CNTNAP4: variants seen among roughly 807,000 people sequenced by gnomAD.
CNTNAP4 encodes contactin-associated protein-like 4.
In CNTNAP4, 98 loss-of-function variants were observed where a neutral mutation model predicts 148.4. That is an observed-to-expected ratio of 0.66 (90% CI 0.56 to 0.78). The LOEUF is 0.78. Ranked by LOEUF, CNTNAP4 falls within the 30% of genes least tolerant of loss-of-function variation. The probability of loss-of-function intolerance (pLI) is 0.00; values close to 1 mark genes in which losing one functional copy is unlikely to be tolerated. For synonymous variants in CNTNAP4, 730 were observed against 565.1 expected, an observed-to-expected ratio of 1.29 and a Z score of -4.14; for missense variants, 1,935 against 1,565.6, an observed-to-expected ratio of 1.24 and a Z score of -3.98.
intron 1 of CNTNAP4, among the ~76,000 whole-genome samples, chr16:76,300,384 C>A (rs1196526759): frequency 6.6e-6 from 1 of 152,080 alleles, no homozygotes; most frequent in Non-Finnish European, 1.5e-5. Flanking sequence ...GGGAACATCA[C>A]ACACCAGGGC....
chr16:76,503,440 C>A (rs374754555), intron 15 of CNTNAP4, among the ~76,000 whole-genome samples: 3 of 152,146 alleles, frequency 2.0e-5, no homozygotes, highest in Non-Finnish European at 4.4e-5. Flanking sequence ...GGTAACATGA[C>A]TTTCTAGGTA....
At chr16:76,352,868 A>G (rs536718477) in intron 2 of CNTNAP4, among the ~76,000 whole-genome samples, 1 of 152,272 alleles carries the variant, frequency 6.6e-6, no homozygotes, top group East Asian at 1.9e-4. Flanking sequence ...ATTCAAGAAC[A>G]CATTCCGTAT....
At chr16:76,355,892 T>A (rs183274050) in intron 3 of CNTNAP4, among the ~76,000 whole-genome samples, 23 of 134,132 alleles carry the variant, frequency 1.7e-4, no homozygotes, top group Middle Eastern at 3.6e-3. Flanking sequence ...TTATTTATTT[T>A]TGAAACAGAG....
At chr16:76,452,255 A>G (rs9936594) in intron 7 of CNTNAP4, among the ~76,000 whole-genome samples, 65,634 of 151,894 alleles carry the variant, frequency 0.43, 14,253 homozygotes, top group Middle Eastern at 0.49. Flanking sequence ...GTTTTATTCC[A>G]ATGTGTATTC....
At chr16:76,537,233 A>G (rs1342427360) in intron 18 of CNTNAP4, among the ~76,000 whole-genome samples, 2 of 151,784 alleles carry the variant, frequency 1.3e-5, no homozygotes, top group African/African-American at 2.4e-5. Flanking sequence ...TATTGAATAT[A>G]AAATGCGTGT....
At chr16:76,296,586 G>T (rs1243239377) in intron 1 of CNTNAP4, among the ~76,000 whole-genome samples, 2 of 152,066 alleles carry the variant, frequency 1.3e-5, no homozygotes, top group African/African-American at 2.4e-5. Context: ...GTATGTTCTA[G>T]AACACAGGCA....
intron 1 of CNTNAP4, among the ~76,000 whole-genome samples, chr16:76,307,546 C>T (rs1342353490): frequency 1.3e-5 from 1 of 76,484 alleles, no homozygotes; most frequent in Non-Finnish European, 2.5e-5. Flanking sequence ...ATATACCAAA[C>T]TCCAGAAATG....
chr16:76,486,629 G>C (rs1427131306), intron 12 of CNTNAP4, among the ~76,000 whole-genome samples: 1 of 152,148 alleles, frequency 6.6e-6, no homozygotes, highest in African/African-American at 2.4e-5. Flanking sequence ...ATAGAGAATT[G>C]CTCTGAAGAG....
intron 3 of CNTNAP4, among the ~76,000 whole-genome samples, chr16:76,362,860 T>G (rs889799964): frequency 1.3e-5 from 2 of 152,142 alleles, no homozygotes; most frequent in Non-Finnish European, 2.9e-5. Flanking sequence ...ACATACAATT[T>G]GCCTATATAA....
At chr16:76,386,455 G>C (rs565703547) in intron 3 of CNTNAP4, among the ~76,000 whole-genome samples, 1 of 152,118 alleles carries the variant, frequency 6.6e-6, no homozygotes, top group Non-Finnish European at 1.5e-5. Context: ...AGCTTCCAAA[G>C]ATAAGAATCA....
chr16:76,496,000 T>A (rs2082387317), intron 14 of CNTNAP4, among the ~76,000 whole-genome samples: 1 of 151,952 alleles, frequency 6.6e-6, no homozygotes, highest in South Asian at 2.1e-4. Flanking sequence ...TTCATTTAGT[T>A]GGGAAACATC....
At position 76,553,832 on chromosome 16, in the gene CNTNAP4, G is replaced by A; in HGVS notation, c.3662-4G>A. On this transcript the variant is annotated splice_polypyrimidine_tract_variant and splice_region_variant and intron_variant, in intron 22 of 23. Coordinates refer to ENST00000611870, the MANE Select transcript of CNTNAP4 (RefSeq NM_033401.5). Reference sequence around the variant, plus strand: ...CTTCCCCCTTTGTTGTGCTTTAACTGCAGATCATTCTGGAACAATAGATGA... The same window carrying A: ...CTTCCCCCTTTGTTGTGCTTTAACTACAGATCATTCTGGAACAATAGATGA... 6.2e-7 allele frequency: 1 copy of A among 1,604,146 alleles called. No individual in the cohort carries two copies. The highest frequency in any genetic ancestry group is 8.5e-7 in the Non-Finnish European group (1 of 1,171,958).
In CNTNAP4 at chr16:76,558,872, T is replaced by A. The variant is rs2085308103; in HGVS notation, c.*189T>A. On this transcript the variant is annotated 3_prime_UTR_variant, in exon 24 of 24. Transcript: ENST00000611870. ...GTGATATATTTCTCATAGCATTCAT[T>A]CTATGGAACAAGAAATTAGATATTG... 2.2e-6 allele frequency: 1 copy of A among 460,874 alleles called. No individual in the cohort carries two copies. Among genetic ancestry groups the A allele is most frequent in the Non-Finnish European group, 3.8e-6 (1 of 261,416 alleles). The allele number at this position is 460,874 out of a possible 1,614,324, so 28.5% of individuals were successfully genotyped here. A position where few individuals can be genotyped will look rare whatever the true frequency, so the allele number is the denominator to read the frequency against.
chr16:76,485,351 A>G (rs979293768), intron 12 of CNTNAP4, among the ~76,000 whole-genome samples: 6 of 152,122 alleles, frequency 3.9e-5, no homozygotes, highest in African/African-American at 1.4e-4. Flanking sequence ...TCCCGACCTT[A>G]GGTGATCCGC....
At chr16:76,384,083 G>A (rs936790981) in intron 3 of CNTNAP4, among the ~76,000 whole-genome samples, 1 of 151,708 alleles carries the variant, frequency 6.6e-6, no homozygotes, top group South Asian at 2.1e-4. Flanking sequence ...TCGCCCTGTT[G>A]CCCAGGCTGG....
chr16:76,446,597 A>G (rs12595987), intron 4 of CNTNAP4, among the ~76,000 whole-genome samples: 52,295 of 152,070 alleles, frequency 0.34, 9,865 homozygotes, highest in Middle Eastern at 0.49. Context: ...TGAAAAAAAC[A>G]TGTCAATGTC....
intron 2 of CNTNAP4, among the ~76,000 whole-genome samples, chr16:76,326,190 A>T (rs1962954720): frequency 6.6e-6 from 1 of 152,196 alleles, no homozygotes; most frequent in Admixed American, 6.5e-5. Context: ...ATTAAAAGCC[A>T]CTCTGTTGCA....
chr16:76,401,063 A>G (rs2078397895), intron 3 of CNTNAP4, among the ~76,000 whole-genome samples: 1 of 151,996 alleles, frequency 6.6e-6, no homozygotes, highest in Admixed American at 6.6e-5. Context: ...AGTTTTTTCT[A>G]CTTCTGTGAA....
At chr16:76,427,939 T>C (rs2079470068) in intron 4 of CNTNAP4, among the ~76,000 whole-genome samples, 1 of 152,200 alleles carries the variant, frequency 6.6e-6, no homozygotes, top group South Asian at 2.1e-4. Flanking sequence ...GATATTTCAT[T>C]TAGGTATCCT....
Sources: gnomAD v4.1 joint callset for allele counts (sites outside exome capture counted in the v4.1 genomes callset) on GRCh38, gnomAD v4.1.1 for gene constraint, MANE v1.5 for transcripts, NCBI Gene and HGNC (gene_info 2026-07-23, HGNC 2026-07-21) for gene names.